Variants in RUNX2 observed in about 807,000 individuals in gnomAD.
RUNX2 encodes the protein RUNX family transcription factor 2, also known as runt-related transcription factor 2.
In RUNX2, 10 loss-of-function variants were observed where a neutral mutation model predicts 51.7. The ratio of observed to expected loss-of-function variants is 0.19; its 90% confidence interval spans 0.12 to 0.33. RUNX2 has a LOEUF of 0.33. Ranked by LOEUF, RUNX2 falls within the 10% of genes least tolerant of loss-of-function variation. The pLI is 1.00. For missense variants in RUNX2, 562 were observed against 691.3 expected, an observed-to-expected ratio of 0.81 and a Z score of 2.10; for synonymous variants, 276 against 273.6, an observed-to-expected ratio of 1.01 and a Z score of -0.09.
At chr6:45,416,960 A>G (rs1477134756) in intron 2 of RUNX2, among the ~76,000 whole-genome samples, 1 of 152,228 alleles carries the variant, frequency 6.6e-6, no homozygotes, top group African/African-American at 2.4e-5. Flanking sequence ...CCTCCACTAC[A>G]AACATTTCAT....
At chr6:45,470,423 C>T (rs1384578347) in intron 5 of RUNX2, among the ~76,000 whole-genome samples, 1 of 152,158 alleles carries the variant, frequency 6.6e-6, no homozygotes, top group Admixed American at 6.5e-5. Context: ...GTTTGAGAGA[C>T]ACAATGGAGT....
At chr6:45,515,724 T>G (rs745835465) in intron 7 of RUNX2, among the ~76,000 whole-genome samples, 2 of 152,174 alleles carry the variant, frequency 1.3e-5, no homozygotes, top group Admixed American at 1.3e-4. Flanking sequence ...ATTCGTAGAT[T>G]TAAAATGAAT....
At chr6:45,339,419 T>C (rs1789300986) in intron 2 of RUNX2, among the ~76,000 whole-genome samples, 1 of 152,192 alleles carries the variant, frequency 6.6e-6, no homozygotes, top group African/African-American at 2.4e-5. Flanking sequence ...ACAAAATGCA[T>C]ATCCAAAATA....
chr6:45,476,168 G>A (rs1189112680), intron 5 of RUNX2, among the ~76,000 whole-genome samples: 3 of 152,106 alleles, frequency 2.0e-5, no homozygotes, highest in Admixed American at 1.3e-4. Context: ...CGTTGCTCAG[G>A]GTTTGTTACT....
intron 5 of RUNX2, among the ~76,000 whole-genome samples, chr6:45,467,741 G>A (rs1799676439): frequency 1.3e-5 from 2 of 151,998 alleles, no homozygotes; most frequent in Non-Finnish European, 2.9e-5. Flanking sequence ...CAGTCACCTT[G>A]ACTTAATGAA....
chr6:45,480,129 T>C (rs12665622), intron 5 of RUNX2, among the ~76,000 whole-genome samples: 8,074 of 152,276 alleles, frequency 0.053, 549 homozygotes, highest in East Asian at 0.17. Flanking sequence ...AATAAAGCAA[T>C]TATCTGTCTA....
chr6:45,358,398 T>G (rs867057837), intron 2 of RUNX2, among the ~76,000 whole-genome samples: 1 of 152,142 alleles, frequency 6.6e-6, no homozygotes, highest in Non-Finnish European at 1.5e-5. Context: ...GAACTAAAAT[T>G]TCTATCACTG....
intron 2 of RUNX2, chr6:45,377,557 G>C (rs1340638542): frequency 6.6e-6 from 1 of 152,266 alleles, no homozygotes; most frequent in Non-Finnish European, 1.5e-5. Context: ...CGGAACCAGG[G>C]CGCTGCGCCC....
At chr6:45,407,920 A>T (rs1321077) in intron 2 of RUNX2, among the ~76,000 whole-genome samples, 144,683 of 152,272 alleles carry the variant, frequency 0.95, 68,813 homozygotes, top group East Asian at 1. Context: ...GTAGTTAAGC[A>T]TCCTAAGTCC....
chr6:45,481,485 A>C (rs1800112551), intron 5 of RUNX2, among the ~76,000 whole-genome samples: 1 of 152,226 alleles, frequency 6.6e-6, no homozygotes, highest in Non-Finnish European at 1.5e-5. Flanking sequence ...TAAAACACTC[A>C]AGTTTTACTA....
intron 2 of RUNX2, among the ~76,000 whole-genome samples, chr6:45,344,199 T>C (rs570667203): frequency 6.6e-6 from 1 of 152,188 alleles, no homozygotes; most frequent in Non-Finnish European, 1.5e-5. Flanking sequence ...AGTTAGACCA[T>C]GACAAAGTTC....
At chr6:45,366,155 A>C (rs562301855) in intron 2 of RUNX2, among the ~76,000 whole-genome samples, 158 of 152,344 alleles carry the variant, frequency 1.0e-3, no homozygotes, top group African/African-American at 3.6e-3. Flanking sequence ...AACTTTGCAA[A>C]GCTGTAATTT....
chr6:45,359,628 A>G lies in RUNX2; in HGVS notation c.58+30844A>G, dbSNP rs1013449624. Among the ~76,000 whole-genome samples, 5 of 152,364 alleles carry G rather than the reference A, an allele frequency of 3.3e-5. No individual in the cohort carries two copies. The East Asian group carries it at 5.8e-4, about 18-fold the overall frequency. On this transcript the variant is annotated intron_variant, in intron 2 of 8. Coordinates refer to ENST00000647337, the MANE Select transcript of RUNX2 (RefSeq NM_001024630.4). The stretch of plus-strand genomic sequence containing the variant: ...GAAATAACACAAATACAAGCATCTA[A>G]TAAGTATATAGTAAGTATATAATTT...
chr6:45,379,979 G>C (rs552026179), intron 2 of RUNX2, among the ~76,000 whole-genome samples: 1 of 152,310 alleles, frequency 6.6e-6, no homozygotes, highest in South Asian at 2.1e-4. Flanking sequence ...TTAGGAAACT[G>C]AATTGGGCTG....
At chr6:45,406,926 TACTG>T (rs1294840709) in intron 2 of RUNX2, among the ~76,000 whole-genome samples, 1 of 152,154 alleles carries the variant, frequency 6.6e-6, no homozygotes, top group East Asian at 1.9e-4. Flanking sequence ...CTTTATTAAA[TACTG>T]AGTAGTATCA....
At chr6:45,505,585 A>T (rs1453955861) in intron 6 of RUNX2, among the ~76,000 whole-genome samples, 1 of 152,116 alleles carries the variant, frequency 6.6e-6, no homozygotes. Context: ...TGCTCAAAAA[A>T]GACTGTTTGC....
chr6:45,546,903 C>T lies in RUNX2; in HGVS notation c.1164C>T (p.Ser388=), dbSNP rs778896510. The T allele has an allele frequency of 1.2e-6, 2 of 1,614,036 alleles. No homozygotes were observed. The highest frequency in any genetic ancestry group is 1.7e-6 in the Non-Finnish European group (2 of 1,180,004). The change falls in exon 9 of 9, where the codon TCC becomes TCT. Residue 388 remains serine (S), a synonymous_variant. Coordinates refer to ENST00000647337, the MANE Select transcript of RUNX2 (RefSeq NM_001024630.4). Reference sequence around the variant, plus strand: ...CATCCCTCACTGAGAGCCGCTTCTCCAACCCACGAATGCACTATCCAGCCA... The same window carrying T: ...CATCCCTCACTGAGAGCCGCTTCTCTAACCCACGAATGCACTATCCAGCCA... ...SISSLTESRF[S]NPRMHYPATF... is the part of the protein sequence containing the mutation.
chr6:45,542,405 C>A (rs1802258688), intron 7 of RUNX2, among the ~76,000 whole-genome samples: 1 of 152,180 alleles, frequency 6.6e-6, no homozygotes, highest in Non-Finnish European at 1.5e-5. Flanking sequence ...AAAGTTCTTG[C>A]AGCTCTTTTT....
chr6:45,496,841 G>T (rs1188781014), intron 6 of RUNX2, among the ~76,000 whole-genome samples: 1 of 152,228 alleles, frequency 6.6e-6, no homozygotes, highest in Non-Finnish European at 1.5e-5. Context: ...AGTAGCTCGA[G>T]AGAGTAAATG....
Sources: gnomAD v4.1 joint callset for allele counts (sites outside exome capture counted in the v4.1 genomes callset) on GRCh38, gnomAD v4.1.1 for gene constraint, MANE v1.5 for transcripts, NCBI Gene and HGNC (gene_info 2026-07-23, HGNC 2026-07-21) for gene names.